Variants in LRRC4B observed in about 807,000 individuals in gnomAD.
The protein encoded by LRRC4B is leucine rich repeat containing 4B.
A neutral mutation model predicts 7.3 loss-of-function variants in LRRC4B; 1 was observed. The ratio of observed to expected loss-of-function variants is 0.14; its 90% CI spans 0.05 to 0.65. The LOEUF (loss-of-function observed/expected upper bound fraction) is 0.65, where lower values mean the gene tolerates loss of function less well. LRRC4B is among the 30% of genes least tolerant of loss of function. The pLI, the probability that LRRC4B is intolerant of heterozygous loss-of-function variation, is 0.84. For missense variants in LRRC4B, 730 were observed against 1,041.6 expected, an observed-to-expected ratio of 0.70 and a Z score of 4.12; for synonymous variants, 500 against 499.2, an observed-to-expected ratio of 1.00 and a Z score of -0.02.
At position 50,519,177 on chromosome 19, in the gene LRRC4B, T is replaced by A; in HGVS notation, c.536A>T (p.Asn179Ile). The part of the protein sequence containing the change: ...PIESIPSYAF[N>I]RVPSLRRLDL... ...CAGGCGCCGCAGCGAGGGCACGCGG[T>A]TGAAGGCGTAGGAGGGGATGCTCTC... Residue 179 changes from asparagine to isoleucine, a missense_variant, in exon 3 of 3, where the codon AAC becomes ATC. Physicochemically the swap from Asn to Ile is moderately radical, Grantham distance 149 (BLOSUM62 -3). Transcript: ENST00000652263. The surrounding 1 kb of genome is among the most constrained non-coding windows in gnomAD (Gnocchi z 8.1). The A allele has an allele frequency of 1.2e-6, 2 of 1,613,450 alleles. No homozygotes were observed. Among genetic ancestry groups the A allele is most frequent in the South Asian group, 1.1e-5 (1 of 91,044 alleles).
At chr19:50,552,186 C>A (rs1302979675) in intron 1 of LRRC4B, among the ~76,000 whole-genome samples, 2 of 149,926 alleles carry the variant, frequency 1.3e-5, no homozygotes, top group East Asian at 4.0e-4. Flanking sequence ...CCCCTCGCCC[C>A]CACTTCCAGC....
chr19:50,567,825 C>CCG (rs1224737423), intron 1 of LRRC4B, 119 bp downstream of exon 1: 3 of 139,636 alleles, frequency 2.1e-5, no homozygotes, highest in Non-Finnish European at 4.8e-5. Flanking sequence ...TGCCATCCCC[C>CCG]CCCATCCCGG....
intron 2 of LRRC4B, among the ~76,000 whole-genome samples, chr19:50,536,672 C>CG (rs1204063779): frequency 6.6e-6 from 1 of 152,164 alleles, no homozygotes; most frequent in Admixed American, 6.5e-5. Context: ...AGACTCGCCA[C>CG]GGGGTGGTGA....
chr19:50,558,934 C>T (rs887113649), intron 1 of LRRC4B, among the ~76,000 whole-genome samples: 11 of 152,228 alleles, frequency 7.2e-5, no homozygotes, highest in African/African-American at 1.7e-4. Context: ...ACCTGACCAG[C>T]GCTGCCTTGG....
chr19:50,533,677 G>C (rs996294069), intron 2 of LRRC4B, among the ~76,000 whole-genome samples: 2 of 152,174 alleles, frequency 1.3e-5, no homozygotes, highest in African/African-American at 2.4e-5. Flanking sequence ...AGGTAAAAGG[G>C]GGGGAATCAT....
chr19:50,518,018 G>A lies in LRRC4B; in HGVS notation c.1695C>T (p.Leu565=). Residue 565 remains leucine, a synonymous_variant, in exon 3 of 3, where the codon CTC becomes CTT. Coordinates refer to ENST00000652263, the MANE Select transcript of LRRC4B (RefSeq NM_001080457.2). ...TCTTCATGACGTCGTCCAGGTCCTT[G>A]AGGGCGTTCTCCGTCACATCCGTGA... ...VPITDVTENA[L]KDLDDVMKTT... is the part of the protein sequence containing the mutation. 6.5e-7 allele frequency: 1 copy of A among 1,549,810 alleles called. No homozygotes were observed. Among genetic ancestry groups the A allele is most frequent in the East Asian group, 2.3e-5 (1 of 44,212 alleles).
chr19:50,520,218 A>G (rs1473262790), intron 2 of LRRC4B, among the ~76,000 whole-genome samples: 7 of 48,998 alleles, frequency 1.4e-4, no homozygotes, highest in African/African-American at 6.3e-4. Context: ...AAAAAAAAAA[A>G]AAAAAAAAAA....
intron 2 of LRRC4B, among the ~76,000 whole-genome samples, chr19:50,535,164 G>A (rs1454564081): frequency 5.3e-5 from 8 of 150,294 alleles, no homozygotes; most frequent in Non-Finnish European, 1.0e-4. Context: ...CACCACGCCC[G>A]GCCTGTTTAT....
rs1369784117 is a variant in LRRC4B at position 50,568,348 on chromosome 19, G to A, written c.-440C>T. Reference sequence around the variant, plus strand: ...TCTCCCCCCACCCCACCCCCCCCCAGGCCCCGGCCCCGGCCCCGGCCCCCG... The same window carrying A: ...TCTCCCCCCACCCCACCCCCCCCCAAGCCCCGGCCCCGGCCCCGGCCCCCG... On this transcript the variant is annotated 5_prime_UTR_variant, in exon 1 of 3. Coordinates refer to ENST00000652263, the MANE Select transcript of LRRC4B (RefSeq NM_001080457.2). Among the ~76,000 whole-genome samples the A allele has an allele frequency of 2.6e-4, 5 of 19,574 alleles. No homozygotes were observed. Among genetic ancestry groups the A allele is most frequent in the African/African-American group, 8.6e-4 (5 of 5,796 alleles). 12.8% of individuals were successfully genotyped at this position (19,574 alleles called of 152,430 possible). A position where few individuals can be genotyped will look rare whatever the true frequency, so the allele number is the denominator to read the frequency against.
chr19:50,535,331 C>T (rs1045085711), intron 2 of LRRC4B, among the ~76,000 whole-genome samples: 1 of 152,116 alleles, frequency 6.6e-6, no homozygotes, highest in South Asian at 2.1e-4. Flanking sequence ...AACAACCACA[C>T]CAGGCTAATT....
intron 1 of LRRC4B, among the ~76,000 whole-genome samples, chr19:50,550,583 A>T (rs1982013061): frequency 6.6e-6 from 1 of 152,112 alleles, no homozygotes; most frequent in Non-Finnish European, 1.5e-5. Context: ...ACCCAGATAA[A>T]AATGTGTGTG....
Position 50,556,448 on chromosome 19 carries a change from G to C in LRRC4B, c.-35-7575C>G, listed in dbSNP as rs112808526. Among the ~76,000 whole-genome samples, 3,881 of 152,170 alleles carry C rather than the reference G, an allele frequency of 0.026. 151 individuals are homozygous for C. Among genetic ancestry groups the C allele is most frequent in the African/African-American group, 0.089 (3,675 of 41,486 alleles). ...GGGACTTTGCCCCTGCTGTGCCCTCGGCCAGCCGGGGGTGCTCTTCCTGGG... is the reference window on the plus strand; with the variant it reads ...GGGACTTTGCCCCTGCTGTGCCCTCCGCCAGCCGGGGGTGCTCTTCCTGGG... On this transcript the variant is annotated intron_variant, in intron 1 of 2. Coordinates refer to ENST00000652263, the MANE Select transcript of LRRC4B (RefSeq NM_001080457.2). The surrounding 1 kb of genome is among the most constrained non-coding windows in gnomAD (Gnocchi z 4.2).
intron 1 of LRRC4B, among the ~76,000 whole-genome samples, chr19:50,549,934 C>T (rs1207784134): frequency 2.0e-5 from 3 of 152,234 alleles, no homozygotes; most frequent in South Asian, 2.1e-4. Context: ...AGCGGGGACT[C>T]GGGCCCTCTG....
chr19:50,544,316 C>T (rs911830051), intron 2 of LRRC4B, among the ~76,000 whole-genome samples: 1 of 151,782 alleles, frequency 6.6e-6, no homozygotes, highest in African/African-American at 2.4e-5. Context: ...ACCATCCTGG[C>T]TAACACAGTG....
At chr19:50,545,835 C>T (rs1044824746) in intron 2 of LRRC4B, among the ~76,000 whole-genome samples, 3 of 151,186 alleles carry the variant, frequency 2.0e-5, no homozygotes, top group Non-Finnish European at 4.4e-5. Flanking sequence ...GCAAGCCTCC[C>T]ACCTCAGCCT....
chr19:50,544,769 T>C (rs1981726003), intron 2 of LRRC4B, among the ~76,000 whole-genome samples: 1 of 151,838 alleles, frequency 6.6e-6, no homozygotes, highest in Admixed American at 6.6e-5. Context: ...AAAAATACAC[T>C]TATGGCTGGG....
intron 2 of LRRC4B, among the ~76,000 whole-genome samples, chr19:50,525,976 C>T (rs899643241): frequency 2.0e-5 from 3 of 152,146 alleles, no homozygotes; most frequent in African/African-American, 7.2e-5. Flanking sequence ...GCCGAGATAA[C>T]GCCATTGTAC....
chr19:50,546,249 C>G (rs1005672000), intron 2 of LRRC4B, among the ~76,000 whole-genome samples: 1 of 152,066 alleles, frequency 6.6e-6, no homozygotes, highest in Non-Finnish European at 1.5e-5. Context: ...GCGGAAGACT[C>G]GCTTGAACCC....
At chr19:50,525,306 T>G (rs935425314) in intron 2 of LRRC4B, among the ~76,000 whole-genome samples, 1 of 152,124 alleles carries the variant, frequency 6.6e-6, no homozygotes, top group Non-Finnish European at 1.5e-5. Flanking sequence ...TCATTCTCAT[T>G]GTTATCGTTA....
Sources: gnomAD v4.1 joint callset for allele counts (sites outside exome capture counted in the v4.1 genomes callset) on GRCh38, gnomAD v4.1.1 for gene constraint, Gnocchi (gnomAD v3.1) non-coding constraint, MANE v1.5 for transcripts, NCBI Gene and HGNC (gene_info 2026-07-23, HGNC 2026-07-21) for gene names.